Variants in SPOCK3 observed in about 807,000 individuals in gnomAD.
SPOCK3 encodes the protein testican-3.
In SPOCK3, 30 loss-of-function variants were observed where a neutral mutation model predicts 56.6. The ratio of observed to expected loss-of-function variants is 0.53; its 90% CI spans 0.40 to 0.72. SPOCK3 has a LOEUF of 0.72. Ranked by LOEUF, SPOCK3 falls within the 30% of genes least tolerant of loss-of-function variation. The pLI, the probability that SPOCK3 is intolerant of heterozygous loss-of-function variation, is 0.00. For missense variants in SPOCK3, 527 were observed against 530.0 expected (o/e 0.99, Z 0.06); for synonymous variants, 196 against 183.3 (o/e 1.07, Z -0.56).
chr4:166,827,657 T>C (rs1579339629), intron 6 of SPOCK3, among the ~76,000 whole-genome samples: 1 of 152,166 alleles, frequency 6.6e-6, no homozygotes, highest in East Asian at 1.9e-4. Flanking sequence ...GAGAAAAATA[T>C]ATTAGGACTG....
intron 2 of SPOCK3, among the ~76,000 whole-genome samples, chr4:167,172,640 C>G (rs1580512002): frequency 1.3e-5 from 2 of 152,040 alleles, no homozygotes; most frequent in East Asian, 3.8e-4. Flanking sequence ...TTATTATACT[C>G]AAGTTATATC....
intron 2 of SPOCK3, among the ~76,000 whole-genome samples, chr4:167,227,389 A>G (rs1378108241): frequency 6.6e-6 from 1 of 152,190 alleles, no homozygotes; most frequent in Non-Finnish European, 1.5e-5. Context: ...AAAAGACAAC[A>G]CAGCTCTAAA....
intron 4 of SPOCK3, among the ~76,000 whole-genome samples, chr4:166,972,718 T>C (rs1579854283): frequency 1.3e-5 from 2 of 152,070 alleles, no homozygotes; most frequent in East Asian, 3.9e-4. Context: ...TAATTATTGA[T>C]CAACAACTGA....
chr4:167,155,877 C>T (rs963889458), intron 2 of SPOCK3, among the ~76,000 whole-genome samples: 2 of 152,004 alleles, frequency 1.3e-5, no homozygotes, highest in Non-Finnish European at 2.9e-5. Flanking sequence ...GCATGCAGAG[C>T]TTGAAACTCA....
chr4:166,915,927 G>A (rs1470619276), intron 4 of SPOCK3, among the ~76,000 whole-genome samples: 1 of 152,102 alleles, frequency 6.6e-6, no homozygotes, highest in African/African-American at 2.4e-5. Context: ...AACCTAAGCT[G>A]GCTGAAAAAC....
chr4:166,926,423 A>C (rs1030132777), intron 4 of SPOCK3, among the ~76,000 whole-genome samples: 16 of 152,004 alleles, frequency 1.1e-4, no homozygotes, highest in African/African-American at 3.9e-4. Flanking sequence ...TTTTAAGAGA[A>C]AATGGCTGCC....
At chr4:166,888,164 A>G (rs948026986) in intron 6 of SPOCK3, among the ~76,000 whole-genome samples, 1 of 152,142 alleles carries the variant, frequency 6.6e-6, no homozygotes. Flanking sequence ...ATATGGAATA[A>G]CAAGTATATC....
At chr4:167,223,007 T>A (rs1228068213) in intron 2 of SPOCK3, among the ~76,000 whole-genome samples, 1 of 125,858 alleles carries the variant, frequency 7.9e-6, no homozygotes, top group Non-Finnish European at 1.6e-5. Context: ...TGAATATATA[T>A]TTTATATATG....
intron 6 of SPOCK3, among the ~76,000 whole-genome samples, chr4:166,840,027 A>G (rs551240154): frequency 9.5e-4 from 145 of 152,366 alleles, no homozygotes; most frequent in Middle Eastern, 3.4e-3. Context: ...CTATCACAAG[A>G]ACTGAGATTG....
chr4:166,893,947 C>T (rs995933407), intron 5 of SPOCK3, among the ~76,000 whole-genome samples: 1 of 152,108 alleles, frequency 6.6e-6, no homozygotes, highest in Non-Finnish European at 1.5e-5. Flanking sequence ...GTTCTCCATT[C>T]AAACATAACC....
chr4:166,782,951 A>G (rs1740331939), intron 7 of SPOCK3, among the ~76,000 whole-genome samples: 1 of 152,216 alleles, frequency 6.6e-6, no homozygotes, highest in Non-Finnish European at 1.5e-5. Flanking sequence ...ATGAAGTGTT[A>G]AAAGGTTAAA....
chr4:166,923,056 A>G (rs1443244254), intron 4 of SPOCK3, among the ~76,000 whole-genome samples: 1 of 152,224 alleles, frequency 6.6e-6, no homozygotes, highest in East Asian at 1.9e-4. Context: ...TCTTGACTGA[A>G]ATCAAGGTGT....
At chr4:166,762,656 G>A (rs1051018755) in intron 7 of SPOCK3, among the ~76,000 whole-genome samples, 6 of 152,106 alleles carry the variant, frequency 3.9e-5, no homozygotes, top group Non-Finnish European at 8.8e-5. Flanking sequence ...CAGAATACCA[G>A]GAGCTAGGAA....
intron 2 of SPOCK3, among the ~76,000 whole-genome samples, chr4:167,170,475 G>A (rs888012197): frequency 2.6e-5 from 4 of 152,092 alleles, no homozygotes; most frequent in Admixed American, 1.3e-4. Context: ...CATTTATTGA[G>A]CAATTTGAAT....
At chr4:166,773,515 A>G (rs1455414956) in intron 7 of SPOCK3, among the ~76,000 whole-genome samples, 1 of 152,188 alleles carries the variant, frequency 6.6e-6, no homozygotes, top group Non-Finnish European at 1.5e-5. Context: ...AATTTATACC[A>G]GAGATTGTAT....
Position 166,974,018 on chromosome 4 carries a change from G to A in SPOCK3, c.350+26331C>T, listed in dbSNP as rs997995177. Among the ~76,000 whole-genome samples, 7 of 152,182 alleles carry A rather than the reference G, an allele frequency of 4.6e-5. No homozygotes were observed. In the East Asian group the frequency reaches 1.4e-3, roughly 29 times the overall value. ...ATTTGATAGTTCTTTAAAATATGAAGCTACTGCATGACAAATATTCATGGG... is the reference window on the plus strand; with the variant it reads ...ATTTGATAGTTCTTTAAAATATGAAACTACTGCATGACAAATATTCATGGG... On this transcript the variant is annotated intron_variant, in intron 4 of 10. Transcript: ENST00000357545.
intron 6 of SPOCK3, among the ~76,000 whole-genome samples, chr4:166,824,284 A>G (rs1482055976): frequency 6.6e-6 from 1 of 152,152 alleles, no homozygotes; most frequent in African/African-American, 2.4e-5. Context: ...CAATACATCC[A>G]ATAGATTATC....
chr4:167,158,966 T>TACATAGTTAGA (rs1765049377), intron 2 of SPOCK3, among the ~76,000 whole-genome samples: 1 of 151,810 alleles, frequency 6.6e-6, no homozygotes, highest in Admixed American at 6.6e-5. Context: ...AAAGTGTTCA[T>TACATAGTTAGA]ACATACATAG....
intron 3 of SPOCK3, among the ~76,000 whole-genome samples, chr4:167,016,543 CT>C (rs555463084): frequency 0.027 from 3,823 of 142,386 alleles, 125 homozygotes; most frequent in African/African-American, 0.084. Context: ...CCCAGAAAAT[CT>C]TTTTTTTTTT....
Sources: allele counts gnomAD v4.1 joint callset (sites outside exome capture counted in the v4.1 genomes callset), GRCh38; gene constraint gnomAD v4.1.1; transcripts MANE v1.5; gene names NCBI Gene and HGNC (gene_info 2026-07-23, HGNC 2026-07-21).